The following EPHA4 variants were observed in gnomAD, a reference collection of about 807,000 sequenced individuals.
EPHA4 encodes EPH receptor A4.
Under a neutral mutation model 108.3 loss-of-function variants are expected in EPHA4, and 19 were observed. The ratio of observed to expected loss-of-function variants is 0.18; its 90% CI spans 0.12 to 0.26. The LOEUF (loss-of-function observed/expected upper bound fraction) is 0.26. EPHA4 is among the 10% of genes least tolerant of loss of function. The pLI is 1.00. For missense variants in EPHA4, 917 were observed against 1,254.0 expected (o/e 0.73, Z 4.06); for synonymous variants, 449 against 455.5 (o/e 0.99, Z 0.18).
intron 17 of EPHA4, among the ~76,000 whole-genome samples, chr2:221,423,668 C>T (rs1311295303): frequency 2.0e-5 from 3 of 151,506 alleles, no homozygotes; most frequent in Non-Finnish European, 2.9e-5. Flanking sequence ...TGTTGTTAGG[C>T]TATTTCAGAA....
At chr2:221,547,291 A>G (rs1431652398) in intron 3 of EPHA4, among the ~76,000 whole-genome samples, 1 of 152,228 alleles carries the variant, frequency 6.6e-6, no homozygotes, top group Non-Finnish European at 1.5e-5. Context: ...TCTCATTTTA[A>G]GATTGATTTT....
intron 5 of EPHA4, among the ~76,000 whole-genome samples, chr2:221,475,455 C>T (rs1198402863): frequency 6.6e-6 from 1 of 152,222 alleles, no homozygotes; most frequent in Non-Finnish European, 1.5e-5. Context: ...TGTTACCCAT[C>T]ACATCCTTTG....
chr2:221,458,630 T>C (rs1459401932), intron 5 of EPHA4, among the ~76,000 whole-genome samples: 1 of 152,220 alleles, frequency 6.6e-6, no homozygotes, highest in African/African-American at 2.4e-5. Flanking sequence ...TTACAAGAGC[T>C]GACATGTTGC....
upstream of EPHA4, chr2:221,574,137 C>T (rs1200325588): frequency 6.6e-6 from 1 of 152,160 alleles, no homozygotes; most frequent in African/African-American, 2.4e-5. Context: ...GCTGGTTTCT[C>T]ATGCAAACTC....
Position 221,494,977 on chromosome 2 carries a change from T to C in EPHA4, c.979+6040A>G, listed in dbSNP as rs111654134. Among the ~76,000 whole-genome samples, 279 of 129,760 alleles carry C rather than the reference T, an allele frequency of 2.2e-3. 1 individual carries two copies. Among genetic ancestry groups the C allele is most frequent in the African/African-American group, 7.8e-3 (264 of 33,664 alleles). 85.1% of individuals were successfully genotyped at this position (129,760 alleles called of 152,430 possible). A position where few individuals can be genotyped will look rare whatever the true frequency, so the allele number is the denominator to read the frequency against. On this transcript the variant is annotated intron_variant, in intron 4 of 17. Coordinates refer to ENST00000281821, the MANE Select transcript of EPHA4 (RefSeq NM_004438.5). ...GGCAGCCCTGAATGTGCAGAAATAA[T>C]GGTGCTTGTCCTGGCAATGTTGCCA...
chr2:221,558,255 A>C (rs1694359015), intron 3 of EPHA4, among the ~76,000 whole-genome samples: 1 of 152,128 alleles, frequency 6.6e-6, no homozygotes, highest in South Asian at 2.1e-4. Flanking sequence ...AACTTGTAAA[A>C]TGTTGGAGTA....
intron 3 of EPHA4, among the ~76,000 whole-genome samples, chr2:221,538,821 T>C (rs138454223): frequency 2.0e-3 from 301 of 152,336 alleles, no homozygotes; most frequent in African/African-American, 6.6e-3. Flanking sequence ...TAAAACCATA[T>C]TGACATTTTT....
Position 221,564,283 on chromosome 2 carries a change from G to C in EPHA4, c.271C>G (p.Arg91Gly), listed in dbSNP as rs755527453. 5 of 1,614,084 alleles carry C rather than the reference G, an allele frequency of 3.1e-6. No individual in the cohort carries two copies. Among genetic ancestry groups the C allele is most frequent in the Non-Finnish European group, 3.4e-6 (4 of 1,180,012 alleles). ...ATATACACCCTCTGAGCCCCTTCTC[G>C]GGTGATCCAATCAGTTCGTAGCCAG... ...NNWLRTDWIT[R>G]EGAQRVYIEI... Residue 91 changes from arginine to glycine, a missense_variant, in exon 3 of 18, where the codon CGA becomes GGA. By Grantham distance (125) the Arg-to-Gly change is moderately radical (BLOSUM62 -2). Transcript: ENST00000281821.
chr2:221,418,609 C>T lies in EPHA4; in HGVS notation c.*2763G>A, dbSNP rs780241376. 3.9e-5 allele frequency: 6 copies of T among 152,594 alleles called. No homozygotes were observed. The highest frequency in any genetic ancestry group is 7.3e-5 in the Non-Finnish European group (5 of 68,036). 9.5% of individuals were successfully genotyped at this position (152,594 alleles called of 1,614,324 possible). On this transcript the variant is annotated 3_prime_UTR_variant, in exon 18 of 18. Transcript: ENST00000281821. ...GCACAACCTTTCTTTAAAATAAGAA[C>T]GTTTTTCAACCCACCAGAACATTTC...
At position 221,571,317 on chromosome 2, in the gene EPHA4, C is replaced by A. The variant is rs1694829957; in HGVS notation, c.91+841G>T. Among the ~76,000 whole-genome samples, 1 of 148,662 alleles carries A rather than the reference C, an allele frequency of 6.7e-6. No individual in the cohort carries two copies. Among genetic ancestry groups the A allele is most frequent in the African/African-American group, 2.5e-5 (1 of 40,640 alleles). ...TTTCTCAGAAACTAAATGATCACCG[C>A]CCCCCCGCCCCGCCCCACCTCCCGA... On this transcript the variant is annotated intron_variant, in intron 1 of 17. Transcript: ENST00000281821. The surrounding 1 kb of genome is among the most constrained non-coding windows in gnomAD (Gnocchi z 6.3).
chr2:221,491,269 G>A (rs1004451762), intron 4 of EPHA4, among the ~76,000 whole-genome samples: 1 of 152,126 alleles, frequency 6.6e-6, no homozygotes, highest in Admixed American at 6.6e-5. Context: ...GTAGAATTGA[G>A]TATTTCATTT....
chr2:221,499,738 ATATATATATATATATATATTTTTT>A (rs1345873388), intron 4 of EPHA4, among the ~76,000 whole-genome samples: 10 of 52,068 alleles, frequency 1.9e-4, no homozygotes, highest in African/African-American at 1.1e-3. Context: ...ATATATATAT[ATATATATATATATATATATTTTTT>A]TTTTTTTTTT....
rs1691872277 is a variant in EPHA4, at chr2:221,482,940, A to G, written c.980-250T>C. 2.6e-5 allele frequency among the ~76,000 whole-genome samples: 4 copies of G among 152,168 alleles called. No homozygotes were observed. In the South Asian group the frequency reaches 8.3e-4, roughly 32 times the overall value. On this transcript the variant is annotated intron_variant, in intron 4 of 17. Coordinates refer to ENST00000281821, the MANE Select transcript of EPHA4 (RefSeq NM_004438.5). ...GGTTGTCACTTTGAGATGTGAAGCA[A>G]CTCTCCAGCAAATGGGCTCCAAGCC...
intron 4 of EPHA4, among the ~76,000 whole-genome samples, chr2:221,496,071 A>G (rs1227274333): frequency 4.6e-5 from 7 of 152,150 alleles, no homozygotes; most frequent in Admixed American, 3.3e-4. Flanking sequence ...AGGACCCCTG[A>G]TGTTTATGCT....
At chr2:221,443,842 A>G (rs1246659355) in intron 9 of EPHA4, among the ~76,000 whole-genome samples, 2 of 152,218 alleles carry the variant, frequency 1.3e-5, no homozygotes, top group Non-Finnish European at 2.9e-5. Context: ...CACTTCAAGG[A>G]CAAGATTTTT....
At chr2:221,572,470 C>T (rs1694877696), upstream of EPHA4, 2 of 338,336 alleles carry the variant, frequency 5.9e-6, no homozygotes, top group African/African-American at 4.4e-5. Flanking sequence ...CTCCGGGCTC[C>T]ACGGGGCGCG....
At chr2:221,458,748 A>C (rs1691042552) in intron 5 of EPHA4, among the ~76,000 whole-genome samples, 1 of 152,132 alleles carries the variant, frequency 6.6e-6, no homozygotes, top group South Asian at 2.1e-4. Flanking sequence ...AGGCTGCCCG[A>C]TGCTCACTTC....
chr2:221,545,011 T>C (rs1693948092), intron 3 of EPHA4, among the ~76,000 whole-genome samples: 1 of 152,204 alleles, frequency 6.6e-6, no homozygotes, highest in Admixed American at 6.5e-5. Flanking sequence ...TAAATTGCTG[T>C]TGTTTAAGCC....
chr2:221,540,645 G>C (rs1693807707), intron 3 of EPHA4, among the ~76,000 whole-genome samples: 1 of 152,182 alleles, frequency 6.6e-6, no homozygotes, highest in Non-Finnish European at 1.5e-5. Flanking sequence ...AATTATAAGG[G>C]ACCAGGAGTT....
Sources: allele counts gnomAD v4.1 joint callset (sites outside exome capture counted in the v4.1 genomes callset), GRCh38; gene constraint gnomAD v4.1.1; non-coding constraint Gnocchi (gnomAD v3.1); transcripts MANE v1.5; gene names NCBI Gene and HGNC (gene_info 2026-07-23, HGNC 2026-07-21).